The following PLAA variants were observed in gnomAD, a reference collection of about 807,000 sequenced individuals.
PLAA encodes the protein phospholipase A-2-activating protein.
A neutral mutation model predicts 84.1 loss-of-function variants in PLAA; 48 were observed. That is an observed-to-expected ratio of 0.57 (90% CI 0.45 to 0.73). The LOEUF (loss-of-function observed/expected upper bound fraction) is 0.73, where lower values mean the gene tolerates loss of function less well. Among genes scored for constraint, PLAA ranks in the 30% least tolerant of loss-of-function variants. The pLI, the probability that PLAA is intolerant of heterozygous loss-of-function variation, is 0.00. For synonymous variants in PLAA, 392 were observed against 336.6 expected (o/e 1.16, Z -1.80); for missense variants, 903 against 954.7 (o/e 0.95, Z 0.71).
intron 1 of PLAA, among the ~76,000 whole-genome samples, chr9:26,939,376 A>G (rs1825452810): frequency 6.6e-6 from 1 of 151,940 alleles, no homozygotes; most frequent in Non-Finnish European, 1.5e-5. Context: ...CCACAGACTG[A>G]AACTCCGTCT....
intron 10 of PLAA, among the ~76,000 whole-genome samples, chr9:26,915,167 G>A (rs895184171): frequency 2.6e-5 from 4 of 151,100 alleles, no homozygotes; most frequent in East Asian, 1.9e-4. Context: ...AGCTGAGATC[G>A]CACCATTGCA....
chr9:26,910,294 A>C lies in PLAA; in HGVS notation c.1657+44T>G, dbSNP rs746723429. On this transcript the variant is annotated intron_variant, in intron 12 of 13. Coordinates refer to ENST00000397292, the MANE Select transcript of PLAA (RefSeq NM_001031689.3). ...AGAGAAACAACCTTGATGACATCTC[A>C]AACAGTCTGTGAATATGTGAATAAA... The C allele has an allele frequency of 4.2e-6, 6 of 1,421,060 alleles. No individual in the cohort carries two copies. The African/African-American group carries it at 8.4e-5, about 20-fold the overall frequency. 88.0% of individuals were successfully genotyped at this position (1,421,060 alleles called of 1,614,324 possible).
chr9:26,926,833 T>C (rs1824983443), intron 4 of PLAA, among the ~76,000 whole-genome samples: 1 of 151,990 alleles, frequency 6.6e-6, no homozygotes, highest in South Asian at 2.1e-4. Context: ...ATAATTTGTT[T>C]TCACCTGAAA....
intron 9 of PLAA, among the ~76,000 whole-genome samples, chr9:26,917,725 A>C (rs1251654317): frequency 6.6e-6 from 1 of 152,190 alleles, no homozygotes; most frequent in African/African-American, 2.4e-5. Context: ...AGAGACTTCC[A>C]TTTATACATT....
In PLAA at chr9:26,923,222, A is replaced by T; in HGVS notation, c.995T>A (p.Ile332Asn). The T allele has an allele frequency of 6.2e-7, 1 of 1,612,902 alleles. No individual in the cohort carries two copies. The highest frequency in any genetic ancestry group is 8.5e-7 in the Non-Finnish European group (1 of 1,179,188). The change falls in exon 7 of 14, where the codon ATC becomes AAC. Residue 332 changes from isoleucine (I) to asparagine (N), a missense_variant. Physicochemically the swap from Ile to Asn is moderately radical, Grantham distance 149 (BLOSUM62 -3). Transcript: ENST00000397292. ...IDSKTGDLGD[I>N]NAEQLPGREH... ...CCTCCCAGGAAGCTGCTCAGCATTG[A>T]TGTCCCCTAAATCGCCAGTTTTAGA...
In PLAA at chr9:26,923,340, T is replaced by C. The variant is rs1407828857; in HGVS notation, c.877A>G (p.Ile293Val). The part of the protein sequence containing the change: ...GDIVVGASDG[I>V]IRVFTESEDR... Reference sequence around the variant, plus strand: ...TCTGATTCTGTAAACACTCTAATAATGCCATCACTGTAAGGAAAAATAAAC... The same window carrying C: ...TCTGATTCTGTAAACACTCTAATAACGCCATCACTGTAAGGAAAAATAAAC... The change falls in exon 7 of 14, where the codon ATT becomes GTT. Residue 293 changes from isoleucine to valine, a missense_variant. Coordinates refer to ENST00000397292, the MANE Select transcript of PLAA (RefSeq NM_001031689.3). 6.2e-7 allele frequency: 1 copy of C among 1,602,720 alleles called. No homozygotes were observed. The highest frequency in any genetic ancestry group is 8.5e-7 in the Non-Finnish European group (1 of 1,172,438).
chr9:26,909,718 G>C (rs1279463022), intron 12 of PLAA, among the ~76,000 whole-genome samples: 1 of 151,806 alleles, frequency 6.6e-6, no homozygotes, highest in African/African-American at 2.4e-5. Flanking sequence ...CCACCTCCCA[G>C]GTTCAAGTGA....
rs962382467 is a variant in PLAA at position 26,920,239 on chromosome 9, T to C, written c.1185A>G (p.Leu395=). The change falls in exon 8 of 14, where the codon TTA becomes TTG. Residue 395 remains leucine (L), a synonymous_variant. Transcript: ENST00000397292. The stretch of plus-strand genomic sequence containing the variant: ...GAAGTCGACATACTTTCCCTTCATA[T>C]AAAACTTTTCCAGATGTTTGCTGAT... ...GANQQTSGKV[L]YEGKEFDYVF... is the part of the protein sequence containing the mutation. The C allele has an allele frequency of 6.2e-7, 1 of 1,613,752 alleles. No homozygotes were observed. Among genetic ancestry groups the C allele is most frequent in the Non-Finnish European group, 8.5e-7 (1 of 1,179,734 alleles).
chr9:26,922,801 G>T (rs1356019423), intron 7 of PLAA, among the ~76,000 whole-genome samples: 1 of 151,698 alleles, frequency 6.6e-6, no homozygotes, highest in African/African-American at 2.4e-5. Flanking sequence ...TGAGTAGCTG[G>T]GACTACAAGC....
intron 10 of PLAA, chr9:26,916,449 T>C (rs909484653): frequency 3.5e-5 from 35 of 986,862 alleles, no homozygotes; most frequent in Non-Finnish European, 4.0e-5. Context: ...GGTAAATAAA[T>C]TCATTTTGAA....
At chr9:26,932,889 C>T (rs1825231693) in intron 2 of PLAA, among the ~76,000 whole-genome samples, 1 of 152,136 alleles carries the variant, frequency 6.6e-6, no homozygotes, top group Non-Finnish European at 1.5e-5. Context: ...AAACCCAGAA[C>T]TTTGGGAGAC....
intron 10 of PLAA, chr9:26,915,920 G>T (rs375551496): frequency 1.6e-4 from 154 of 985,248 alleles, no homozygotes; most frequent in Non-Finnish European, 1.8e-4. Flanking sequence ...TTTCTGAACT[G>T]CTGATAGAGA....
chr9:26,917,979 C>G (rs925161470), intron 9 of PLAA, among the ~76,000 whole-genome samples: 7 of 152,230 alleles, frequency 4.6e-5, no homozygotes, highest in African/African-American at 1.4e-4. Flanking sequence ...TGTGTTCACT[C>G]TTGAACTACA....
At chr9:26,923,044 T>C (rs1305682456) in intron 7 of PLAA, 134 bp downstream of exon 7, 5 of 623,148 alleles carry the variant, frequency 8.0e-6, no homozygotes, top group Admixed American at 3.0e-5. Context: ...AGTGATTATA[T>C]GTAATAGTAA....
At chr9:26,914,019 ATT>A in intron 10 of PLAA, 72 bp from the exon 11 acceptor site, 1 of 1,034,138 alleles carries the variant, frequency 9.7e-7, no homozygotes, top group Non-Finnish European at 1.5e-6. Context: ...TCCTTCGCTT[ATT>A]TCCAGTATTA....
chr9:26,913,845 C>T (rs1353314347), intron 11 of PLAA, 34 bp downstream of exon 11: 1 of 1,455,474 alleles, frequency 6.9e-7, no homozygotes, highest in Non-Finnish European at 9.4e-7. Flanking sequence ...TTTTTAAAAT[C>T]TAAAAAAAAG....
chr9:26,922,812 G>T (rs796573058), intron 7 of PLAA, among the ~76,000 whole-genome samples: 1 of 151,782 alleles, frequency 6.6e-6, no homozygotes, highest in Non-Finnish European at 1.5e-5. Flanking sequence ...GACTACAAGC[G>T]CATGCCATCA....
chr9:26,947,177 G>A lies in PLAA; in HGVS notation c.-132C>T. On this transcript the variant is annotated 5_prime_UTR_variant, in exon 1 of 14. Coordinates refer to ENST00000397292, the MANE Select transcript of PLAA (RefSeq NM_001031689.3). The stretch of plus-strand genomic sequence containing the variant: ...GGGCGGCCGGAGACCGGAAGAGCCC[G>A]AGAGCCGGTACGGAAGGGCGGCTGG... The A allele has an allele frequency of 1.8e-6, 2 of 1,113,336 alleles. No individual in the cohort carries two copies. Among genetic ancestry groups the A allele is most frequent in the Non-Finnish European group, 2.4e-6 (2 of 826,588 alleles). The allele number at this position is 1,113,336 out of a possible 1,614,324, so 69.0% of individuals were successfully genotyped here.
Position 26,946,911 on chromosome 9 carries a change from G to C in PLAA, c.135C>G (p.Leu45=), listed in dbSNP as rs760231642. 3.2e-6 allele frequency: 5 copies of C among 1,577,454 alleles called. No homozygotes were observed. The highest frequency in any genetic ancestry group is 4.3e-6 in the Non-Finnish European group (5 of 1,160,908). The change falls in exon 1 of 14, where the codon CTC becomes CTG. Residue 45 remains leucine (L), a synonymous_variant. Transcript: ENST00000397292. ...CCAGCGCTCACCTGTCTGGGGCCCA[G>C]AGGCGGGTGGTGCGGTCTCGGGACA... ...VSVSRDRTTR[L]WAPDSPNRSF...
Sources: gnomAD v4.1 joint callset for allele counts (sites outside exome capture counted in the v4.1 genomes callset) on GRCh38, gnomAD v4.1.1 for gene constraint, MANE v1.5 for transcripts, NCBI Gene and HGNC (gene_info 2026-07-23, HGNC 2026-07-21) for gene names.